AGBL3: variants seen among roughly 807,000 people sequenced by gnomAD.
The protein encoded by AGBL3 is AGBL carboxypeptidase 3.
A neutral mutation model predicts 94.5 loss-of-function variants in AGBL3; 68 were observed. The observed-to-expected ratio is 0.72, with a 90% CI of 0.59 to 0.88. AGBL3 has a LOEUF of 0.88. AGBL3 is among the 40% of genes least tolerant of loss of function. The probability of loss-of-function intolerance (pLI) is 0.00; values close to 1 mark genes in which losing one functional copy is unlikely to be tolerated. For missense variants in AGBL3, 934 were observed against 1,103.8 expected (o/e 0.85, Z 2.18); for synonymous variants, 354 against 370.7 (o/e 0.95, Z 0.52).
chr7:135,133,893 T>C (rs1829126184), intron 16 of AGBL3, among the ~76,000 whole-genome samples: 1 of 151,600 alleles, frequency 6.6e-6, no homozygotes, highest in Admixed American at 6.6e-5. Flanking sequence ...GCAATTATAA[T>C]AAGGAATGAA....
intron 15 of AGBL3, among the ~76,000 whole-genome samples, chr7:135,085,334 C>A (rs1821253869): frequency 6.6e-6 from 1 of 152,084 alleles, no homozygotes; most frequent in Admixed American, 6.6e-5. Flanking sequence ...CTTTGCTGTG[C>A]AAAAGATTTT....
At chr7:135,042,856 G>A (rs1816992702) in intron 8 of AGBL3, among the ~76,000 whole-genome samples, 1 of 152,078 alleles carries the variant, frequency 6.6e-6, no homozygotes, top group African/African-American at 2.4e-5. Context: ...AGACTGCAGT[G>A]AGCTATGATC....
chr7:135,084,562 T>A (rs1282198523), intron 15 of AGBL3, among the ~76,000 whole-genome samples: 1 of 152,158 alleles, frequency 6.6e-6, no homozygotes, highest in East Asian at 1.9e-4. Context: ...ATCAACATTT[T>A]AAGCTTCTAC....
At chr7:135,005,683 T>A (rs4541844) in intron 4 of AGBL3, among the ~76,000 whole-genome samples, 73,890 of 151,550 alleles carry the variant, frequency 0.49, 18,355 homozygotes, top group South Asian at 0.66. Flanking sequence ...TAAAATGGGA[T>A]AAAGTAGCCT....
intron 15 of AGBL3, among the ~76,000 whole-genome samples, chr7:135,096,129 G>A (rs774159556): frequency 2.7e-4 from 39 of 147,016 alleles, no homozygotes; most frequent in Non-Finnish European, 5.1e-4. Context: ...TCCAGGCTGG[G>A]TGACAGAGAC....
chr7:135,102,643 C>T (rs1217775729), intron 15 of AGBL3, among the ~76,000 whole-genome samples: 4 of 147,140 alleles, frequency 2.7e-5, no homozygotes, highest in African/African-American at 5.0e-5. Context: ...TTTTTCATTG[C>T]TCTAATGCTT....
chr7:134,997,168 C>T (rs934361507), intron 4 of AGBL3, among the ~76,000 whole-genome samples: 1 of 152,138 alleles, frequency 6.6e-6, no homozygotes, highest in Non-Finnish European at 1.5e-5. Context: ...AACCTAGATC[C>T]CTTGCATGCA....
At chr7:135,101,497 TAA>T in intron 15 of AGBL3, among the ~76,000 whole-genome samples, 1 of 148,900 alleles carries the variant, frequency 6.7e-6, no homozygotes, top group Admixed American at 6.7e-5. Flanking sequence ...AATATAGCCT[TAA>T]AAAAAAAACT....
chr7:135,033,034 C>T (rs1815935037), intron 6 of AGBL3, 52 bp downstream of exon 6: 1 of 1,460,562 alleles, frequency 6.8e-7, no homozygotes, highest in Non-Finnish European at 9.1e-7. Flanking sequence ...CTATTATTTT[C>T]TGTATCAAGT....
intron 12 of AGBL3, among the ~76,000 whole-genome samples, chr7:135,069,908 A>G (rs1434546765): frequency 6.6e-6 from 1 of 152,204 alleles, no homozygotes; most frequent in Non-Finnish European, 1.5e-5. Flanking sequence ...GCACAAAAAA[A>G]CCCTTCAAAA....
At chr7:135,055,648 G>T (rs1584957695) in intron 11 of AGBL3, among the ~76,000 whole-genome samples, 1 of 152,018 alleles carries the variant, frequency 6.6e-6, no homozygotes, top group Non-Finnish European at 1.5e-5. Context: ...TTTATTCCTT[G>T]TTGTACTCAA....
intron 11 of AGBL3, 87 bp from the exon 12 acceptor site, chr7:135,059,082 C>A: frequency 9.6e-7 from 1 of 1,045,238 alleles, no homozygotes; most frequent in South Asian, 1.5e-5. Context: ...AACTTTTCAA[C>A]CATTCAAATA....
intron 15 of AGBL3, among the ~76,000 whole-genome samples, chr7:135,090,014 C>T (rs1821644969): frequency 6.6e-6 from 1 of 152,184 alleles, no homozygotes; most frequent in Non-Finnish European, 1.5e-5. Context: ...AGCTGTAATT[C>T]TACTTCTAAG....
At position 135,110,299 on chromosome 7, in the gene AGBL3, G is replaced by A. The variant is rs145905072; in HGVS notation, c.2111-5081G>A. On this transcript the variant is annotated intron_variant, in intron 15 of 16. Transcript: ENST00000436302. The stretch of plus-strand genomic sequence containing the variant: ...GCAGACGGTCACTGCTCAGCCCCCT[G>A]GATTCAGCCCCTTTCCTAGGGGTAT... 1.4e-4 allele frequency among the ~76,000 whole-genome samples: 22 copies of A among 152,300 alleles called. No homozygotes were observed. The East Asian group carries it at 4.2e-3, about 29-fold the overall frequency.
At chr7:135,058,549 T>C (rs961714783) in intron 11 of AGBL3, among the ~76,000 whole-genome samples, 4 of 152,122 alleles carry the variant, frequency 2.6e-5, no homozygotes, top group African/African-American at 9.7e-5. Context: ...CATTAACATA[T>C]TAACAAATCT....
At chr7:135,130,430 T>C (rs1828570029) in intron 16 of AGBL3, among the ~76,000 whole-genome samples, 1 of 152,152 alleles carries the variant, frequency 6.6e-6, no homozygotes, top group Non-Finnish European at 1.5e-5. Context: ...TCTATTCAAC[T>C]TTCCTGGGTG....
chr7:135,115,368 G>T lies in AGBL3; in HGVS notation c.2111-12G>T, dbSNP rs1479391244. The T allele has an allele frequency of 4.6e-6, 7 of 1,520,638 alleles. No individual in the cohort carries two copies. In the Admixed American group the frequency reaches 8.1e-5, roughly 18 times the overall value. 94.2% of individuals were successfully genotyped at this position (1,520,638 alleles called of 1,614,324 possible). ...TCATATCTCTGTACATATTTTTGTG[G>T]TTGCTCCCCAGATCTGCACCACAAC... On this transcript the variant is annotated splice_polypyrimidine_tract_variant and intron_variant, in intron 15 of 16. Coordinates refer to ENST00000436302, the MANE Select transcript of AGBL3 (RefSeq NM_178563.4).
chr7:135,084,351 C>G (rs537510872), intron 15 of AGBL3, among the ~76,000 whole-genome samples: 1 of 152,200 alleles, frequency 6.6e-6, no homozygotes, highest in East Asian at 1.9e-4. Flanking sequence ...TTGGTACATT[C>G]AAAATCTGCT....
At chr7:135,117,083 G>A (rs1044685082) in intron 16 of AGBL3, among the ~76,000 whole-genome samples, 1 of 152,154 alleles carries the variant, frequency 6.6e-6, no homozygotes, top group African/African-American at 2.4e-5. Context: ...TCCAGGATTT[G>A]TAGTTATTTT....
Sources: allele counts gnomAD v4.1 joint callset (sites outside exome capture counted in the v4.1 genomes callset), GRCh38; gene constraint gnomAD v4.1.1; transcripts MANE v1.5; gene names NCBI Gene and HGNC (gene_info 2026-07-23, HGNC 2026-07-21).